Variants in DAW1 observed in about 807,000 individuals in gnomAD.
DAW1 encodes the protein dynein assembly factor with WD repeats 1, also known as dynein assembly factor with WD repeat domains 1.
Under a neutral mutation model 56.5 loss-of-function variants are expected in DAW1, and 47 were observed. That is an observed-to-expected ratio of 0.83 (90% confidence interval 0.66 to 1.06). The LOEUF (loss-of-function observed/expected upper bound fraction) is 1.06, where lower values mean the gene tolerates loss of function less well. Ranked by LOEUF, DAW1 falls within the 50% of genes least tolerant of loss-of-function variation. The pLI is 0.00. For synonymous variants in DAW1, 190 were observed against 179.0 expected (o/e 1.06, Z -0.49); for missense variants, 505 against 499.3 (o/e 1.01, Z -0.11).
intron 1 of DAW1, among the ~76,000 whole-genome samples, chr2:227,874,357 G>T (rs1690826406): frequency 6.6e-6 from 1 of 152,148 alleles, no homozygotes; most frequent in Non-Finnish European, 1.5e-5. Flanking sequence ...TCAGAGTAGA[G>T]AAAATTTTTG....
At chr2:227,876,618 G>A (rs937606887) in intron 1 of DAW1, 74 of 670,206 alleles carry the variant, frequency 1.1e-4, no homozygotes, top group East Asian at 7.9e-4. Context: ...TCTAATTTTC[G>A]CCCTCCCACT....
chr2:227,921,251 T>A (rs1049146350), intron 11 of DAW1, 148 bp from the exon 12 acceptor site: 148 of 816,436 alleles, frequency 1.8e-4, no homozygotes, highest in Non-Finnish European at 2.4e-4. Flanking sequence ...ATGAAGAAAT[T>A]GTTCTATGCA....
rs776174145 is a variant in DAW1, at chr2:227,918,895, C to A, written c.1050+39C>A. 3.1e-6 allele frequency: 5 copies of A among 1,601,118 alleles called. No individual in the cohort carries two copies. In the African/African-American group the frequency reaches 4.0e-5, roughly 13 times the overall value. On this transcript the variant is annotated intron_variant, in intron 11 of 12. Transcript: ENST00000309931. ...TCATTTGGAGGAGTTTATTTACTTT[C>A]AAAAAATAAAGAGCAGGGCCCAGGT...
chr2:227,889,551 A>G (rs1574653428), intron 2 of DAW1: 2 of 198,394 alleles, frequency 1.0e-5, no homozygotes, highest in East Asian at 2.4e-4. Flanking sequence ...GAGCGGACGC[A>G]AACATTCAAA....
chr2:227,915,205 G>A (rs1468975730), intron 10 of DAW1, among the ~76,000 whole-genome samples: 1 of 152,084 alleles, frequency 6.6e-6, no homozygotes, highest in Non-Finnish European at 1.5e-5. Context: ...GTGTAGTGAT[G>A]TAAACTATAT....
chr2:227,872,125 A>C, intron 1 of DAW1: 1 of 176,378 alleles, frequency 5.7e-6, no homozygotes, highest in Non-Finnish European at 1.2e-5. Flanking sequence ...TAATTACCTA[A>C]TCCTTGCCTA....
At chr2:227,877,691 G>T (rs1369528766) in intron 1 of DAW1, among the ~76,000 whole-genome samples, 2 of 152,206 alleles carry the variant, frequency 1.3e-5, no homozygotes, top group Non-Finnish European at 2.9e-5. Context: ...AGAGTGTGCA[G>T]CCTAGATCCC....
intron 2 of DAW1, among the ~76,000 whole-genome samples, chr2:227,887,138 T>A (rs1455957975): frequency 6.6e-6 from 1 of 152,168 alleles, no homozygotes; most frequent in African/African-American, 2.4e-5. Context: ...ATGGTCTATG[T>A]AGGGTCCAAG....
At chr2:227,891,936 G>A (rs1399483420) in intron 4 of DAW1, among the ~76,000 whole-genome samples, 1 of 152,088 alleles carries the variant, frequency 6.6e-6, no homozygotes, top group East Asian at 1.9e-4. Flanking sequence ...CTGAGGCCTT[G>A]GGAAAGAAGC....
chr2:227,877,711 C>T (rs1690912696), intron 1 of DAW1, among the ~76,000 whole-genome samples: 2 of 152,168 alleles, frequency 1.3e-5, no homozygotes, highest in Admixed American at 1.3e-4. Context: ...CTTGTATGCA[C>T]AGTTCACCAT....
intron 10 of DAW1, among the ~76,000 whole-genome samples, chr2:227,911,283 T>C (rs567603524): frequency 1.4e-5 from 2 of 147,440 alleles, no homozygotes; most frequent in South Asian, 2.1e-4. Flanking sequence ...TACACGTGTA[T>C]ATATACATAT....
intron 1 of DAW1, among the ~76,000 whole-genome samples, chr2:227,885,092 C>T (rs902853683): frequency 1.3e-5 from 2 of 152,132 alleles, no homozygotes; most frequent in Non-Finnish European, 2.9e-5. Flanking sequence ...AGCCAGTCTA[C>T]CTTCTTCCAT....
At chr2:227,886,092 A>G (rs1233060613) in intron 2 of DAW1, among the ~76,000 whole-genome samples, 1 of 149,612 alleles carries the variant, frequency 6.7e-6, no homozygotes, top group African/African-American at 2.5e-5. Flanking sequence ...CTCTGTGCCC[A>G]ACCAGTGACC....
chr2:227,875,882 C>A (rs1456255109), intron 1 of DAW1, among the ~76,000 whole-genome samples: 1 of 152,126 alleles, frequency 6.6e-6, no homozygotes, highest in Non-Finnish European at 1.5e-5. Context: ...CATAAAATGA[C>A]ATTAATGTTT....
intron 5 of DAW1, among the ~76,000 whole-genome samples, chr2:227,895,989 A>G (rs1691398328): frequency 6.6e-6 from 1 of 152,116 alleles, no homozygotes; most frequent in Admixed American, 6.5e-5. Context: ...CACTTAGAAT[A>G]GACATTTTAT....
intron 2 of DAW1, chr2:227,889,366 C>T (rs1040162765): frequency 1.3e-5 from 2 of 152,302 alleles, no homozygotes; most frequent in African/African-American, 2.4e-5. Context: ...CTTGATGCTG[C>T]GTCTTCACAT....
chr2:227,895,867 A>G (rs750297092), intron 5 of DAW1, among the ~76,000 whole-genome samples: 5 of 152,180 alleles, frequency 3.3e-5, no homozygotes, highest in Admixed American at 6.5e-5. Flanking sequence ...AAGAAACAAG[A>G]CACAAGGAGG....
chr2:227,921,680 C>T (rs1692115177), intron 12 of DAW1, 119 bp downstream of exon 12: 1 of 1,069,742 alleles, frequency 9.3e-7, no homozygotes, highest in South Asian at 2.1e-5. Flanking sequence ...GTCACTAGCT[C>T]ATCTTGGCCT....
rs528237187 is a variant in DAW1, at chr2:227,893,830, T to C, written c.353T>C (p.Leu118Pro). 1 of 1,613,904 alleles carries C rather than the reference T, an allele frequency of 6.2e-7. No homozygotes were observed. The highest frequency in any genetic ancestry group is 2.2e-5 in the East Asian group (1 of 44,870). Residue 118 changes from leucine to proline, a missense_variant, in exon 5 of 13, where the codon CTC becomes CCC. Leu to Pro is a moderately conservative substitution (Grantham distance 98). Coordinates refer to ENST00000309931, the MANE Select transcript of DAW1 (RefSeq NM_178821.3). Reference sequence around the variant, plus strand: ...GGAAGCTATGATCGGACGTGCAAGCTCTGGGACACTGCGTCTGGAGAGGAG... The same window carrying C: ...GGAAGCTATGATCGGACGTGCAAGCCCTGGGACACTGCGTCTGGAGAGGAG... The part of the protein sequence containing the change: ...ITGSYDRTCK[L>P]WDTASGEELN...
Sources: gnomAD v4.1 joint callset for allele counts (sites outside exome capture counted in the v4.1 genomes callset) on GRCh38, gnomAD v4.1.1 for gene constraint, MANE v1.5 for transcripts, NCBI Gene and HGNC (gene_info 2026-07-23, HGNC 2026-07-21) for gene names.